Variants in GLRA3 observed in about 807,000 individuals in gnomAD.
GLRA3 encodes the protein glycine receptor subunit alpha-3.
GLRA3 carries 44 observed loss-of-function variants against 60.4 expected under a neutral mutation model. The observed-to-expected ratio is 0.73, with a 90% CI of 0.57 to 0.94. The LOEUF is 0.94. Ranked by LOEUF, GLRA3 falls within the 40% of genes least tolerant of loss-of-function variation. The pLI is 0.00. For missense variants in GLRA3, 508 were observed against 564.6 expected, an observed-to-expected ratio of 0.90 and a Z score of 1.02; for synonymous variants, 223 against 192.9, an observed-to-expected ratio of 1.16 and a Z score of -1.29.
rs79400577 is a variant in GLRA3, at chr4:174,662,449, C to G, written c.928-3252G>C. ...AACTAATTTGCCCTACTTCTTTGGA[C>G]CCAATGCATAATTATCTTAAGGATC... On this transcript the variant is annotated intron_variant, in intron 7 of 9. Transcript: ENST00000274093. Among the ~76,000 whole-genome samples, 859 of 152,184 alleles carry G rather than the reference C, an allele frequency of 5.6e-3. 18 individuals carry two copies. In the East Asian group the frequency reaches 0.058, roughly 10 times the overall value.
At chr4:174,719,333 T>C (rs1223116411) in intron 4 of GLRA3, among the ~76,000 whole-genome samples, 1 of 152,202 alleles carries the variant, frequency 6.6e-6, no homozygotes, top group Non-Finnish European at 1.5e-5. Context: ...ATGGGTTCTG[T>C]AATTAATATG....
At chr4:174,747,933 C>T (rs995409415) in intron 3 of GLRA3, among the ~76,000 whole-genome samples, 5 of 152,078 alleles carry the variant, frequency 3.3e-5, no homozygotes, top group Admixed American at 3.3e-4. Flanking sequence ...GTTCCAAATA[C>T]TATGTTTTAA....
At chr4:174,740,256 A>G (rs917695151) in intron 3 of GLRA3, among the ~76,000 whole-genome samples, 3 of 152,212 alleles carry the variant, frequency 2.0e-5, no homozygotes, top group Admixed American at 2.0e-4. Flanking sequence ...CAGATTAAAG[A>G]TGTCCTATGG....
At chr4:174,739,750 G>A (rs1171715891) in intron 3 of GLRA3, among the ~76,000 whole-genome samples, 3 of 152,166 alleles carry the variant, frequency 2.0e-5, no homozygotes, top group African/African-American at 7.2e-5. Context: ...AGGCTACTTT[G>A]TAGCAAACAT....
At position 174,760,526 on chromosome 4, in the gene GLRA3, A is replaced by ATTT. The variant is rs35439411; in HGVS notation, c.267+6434_267+6436dup. Reference sequence around the variant, plus strand: ...CTATATTAGAAGGTAATACACAATGATTTTTTTTTTTTGAGAGGGAGTCTG... The same window carrying ATTT: ...CTATATTAGAAGGTAATACACAATGATTTTTTTTTTTTTTTGAGAGGGAGTCTG... On this transcript the variant is annotated intron_variant, in intron 3 of 9. Transcript: ENST00000274093. Among the ~76,000 whole-genome samples the ATTT allele has an allele frequency of 3.2e-4, 47 of 149,180 alleles. 2 individuals carry two copies. In the East Asian group the frequency reaches 4.0e-3, roughly 13 times the overall value.
rs117018858 is a variant in GLRA3, at chr4:174,784,544, A to G, written c.199+4272T>C. ...ATCAAAACTTAGATGCAAATTCACT[A>G]TTCTTACCAATGACCTGTGCCTAAG... On this transcript the variant is annotated intron_variant, in intron 2 of 9. Transcript: ENST00000274093. Among the ~76,000 whole-genome samples the G allele has an allele frequency of 3.9e-5, 6 of 152,044 alleles. No homozygotes were observed. In the East Asian group the frequency reaches 1.2e-3, roughly 29 times the overall value.
In GLRA3 at chr4:174,788,940, C is replaced by A; in HGVS notation, c.75G>T (p.Leu25Phe). 6.4e-7 allele frequency: 1 copy of A among 1,573,378 alleles called. No homozygotes were observed. The highest frequency in any genetic ancestry group is 8.6e-7 in the Non-Finnish European group (1 of 1,159,066). Residue 25 changes from leucine to phenylalanine, a missense_variant, in exon 2 of 10, where the codon TTG (leucine) becomes TTT (phenylalanine). This residue lies in a region of GLRA3 where 329 missense variants were observed against 349.3 expected (regional missense o/e 0.94). Coordinates refer to ENST00000274093, the MANE Select transcript of GLRA3 (RefSeq NM_006529.4). ...CACTGTCTGTTTCCTTTGTGGCAAC[C>A]AAACTACAAATAAGAACAAAAATAT... is the stretch of plus-strand genomic sequence containing the variant. ...YFWEAALLLS[L>F]VATKETDSAR...
intron 3 of GLRA3, among the ~76,000 whole-genome samples, chr4:174,755,046 G>A (rs1737637974): frequency 1.3e-5 from 2 of 152,054 alleles, no homozygotes; most frequent in South Asian, 4.1e-4. Flanking sequence ...ACAATTAGCT[G>A]CTTAATTCAT....
At position 174,641,972 on chromosome 4, in the gene GLRA3, T is replaced by C. The variant is rs937182537; in HGVS notation, c.*1814A>G. On this transcript the variant is annotated 3_prime_UTR_variant, in exon 10 of 10. Coordinates refer to ENST00000274093, the MANE Select transcript of GLRA3 (RefSeq NM_006529.4). ...TAAATACACACCAAATGAAGAAGCA[T>C]ATGTTTAATTTTCAGGTGCACAGTC... is the stretch of plus-strand genomic sequence containing the variant. 1 of 160,864 alleles carries C rather than the reference T, an allele frequency of 6.2e-6. No homozygotes were observed. Among genetic ancestry groups the C allele is most frequent in the South Asian group, 2.0e-4 (1 of 4,952 alleles). The allele number at this position is 160,864 out of a possible 1,614,324, so 10.0% of individuals were successfully genotyped here.
chr4:174,733,420 A>C (rs1478172207), intron 3 of GLRA3, among the ~76,000 whole-genome samples: 1 of 152,172 alleles, frequency 6.6e-6, no homozygotes, highest in African/African-American at 2.4e-5. Flanking sequence ...TCTGGCTGTG[A>C]AGAGACTACC....
At chr4:174,732,576 C>T (rs1423491383) in intron 3 of GLRA3, among the ~76,000 whole-genome samples, 1 of 151,906 alleles carries the variant, frequency 6.6e-6, no homozygotes, top group Admixed American at 6.6e-5. Flanking sequence ...TATCCATTGG[C>T]AGAAAAATGC....
chr4:174,773,473 AAC>A (rs1323765616), intron 2 of GLRA3, among the ~76,000 whole-genome samples: 1 of 152,180 alleles, frequency 6.6e-6, no homozygotes, highest in East Asian at 1.9e-4. Flanking sequence ...TAAGAAAACA[AAC>A]AAACAACTCA....
rs1333530329 is a variant in GLRA3 at position 174,637,046 on chromosome 4, T to C, written c.*6740A>G. 6.6e-6 allele frequency: 1 copy of C among 152,314 alleles called. No homozygotes were observed. The highest frequency in any genetic ancestry group is 6.5e-5 in the Admixed American group (1 of 15,296). The allele number at this position is 152,314 out of a possible 1,614,324, so 9.4% of individuals were successfully genotyped here. A position where few individuals can be genotyped will look rare whatever the true frequency, so the allele number is the denominator to read the frequency against. The stretch of plus-strand genomic sequence containing the variant: ...CTGTTAGTTGCAAAATTGAACTAAA[T>C]ATAATATAATGAAAAACAAGTTGAT... On this transcript the variant is annotated 3_prime_UTR_variant, in exon 10 of 10. Coordinates refer to ENST00000274093, the MANE Select transcript of GLRA3 (RefSeq NM_006529.4).
chr4:174,659,423 G>A (rs750148538), intron 7 of GLRA3, among the ~76,000 whole-genome samples: 11 of 151,896 alleles, frequency 7.2e-5, no homozygotes, highest in East Asian at 1.9e-4. Context: ...GCCCAAACAC[G>A]ATGAAAGAAA....
intron 2 of GLRA3, among the ~76,000 whole-genome samples, chr4:174,769,630 C>A (rs954337497): frequency 6.6e-6 from 1 of 152,012 alleles, no homozygotes; most frequent in Admixed American, 6.6e-5. Context: ...CGTTCTATGA[C>A]CTCCCAATCA....
At chr4:174,693,256 T>C (rs1734929536) in intron 5 of GLRA3, among the ~76,000 whole-genome samples, 1 of 152,158 alleles carries the variant, frequency 6.6e-6, no homozygotes, top group Admixed American at 6.5e-5. Flanking sequence ...GGATTGTATT[T>C]CTTAAGTTAT....
intron 5 of GLRA3, among the ~76,000 whole-genome samples, chr4:174,710,930 T>C (rs1477452251): frequency 6.6e-6 from 1 of 152,084 alleles, no homozygotes; most frequent in Non-Finnish European, 1.5e-5. Flanking sequence ...AGTGAAATCA[T>C]TTTTATTAAA....
At chr4:174,679,097 C>G (rs377204909) in intron 6 of GLRA3, among the ~76,000 whole-genome samples, 1 of 151,856 alleles carries the variant, frequency 6.6e-6, no homozygotes, top group Non-Finnish European at 1.5e-5. Context: ...TTTGGGAGGC[C>G]GAGGCGGGAG....
At chr4:174,726,474 T>C (rs1204696166) in intron 4 of GLRA3, among the ~76,000 whole-genome samples, 1 of 152,204 alleles carries the variant, frequency 6.6e-6, no homozygotes, top group African/African-American at 2.4e-5. Flanking sequence ...AAAGCTTTTC[T>C]GTCTTGCTAG....
Sources: gnomAD v4.1 joint callset for allele counts (sites outside exome capture counted in the v4.1 genomes callset) on GRCh38, gnomAD v4.1.1 for gene constraint, gnomAD v4.1.1 regional missense constraint, MANE v1.5 for transcripts, NCBI Gene and HGNC (gene_info 2026-07-23, HGNC 2026-07-21) for gene names.